The following CA5A variants were observed in gnomAD, a reference collection of about 807,000 sequenced individuals.
The protein encoded by CA5A is carbonic anhydrase 5A.
Under a neutral mutation model 37.1 loss-of-function variants are expected in CA5A, and 28 were observed. That is an observed-to-expected ratio of 0.75 (90% CI 0.56 to 1.03). The LOEUF (loss-of-function observed/expected upper bound fraction) is 1.03, where lower values mean the gene tolerates loss of function less well. Ranked by LOEUF, CA5A falls within the 50% of genes least tolerant of loss-of-function variation. The pLI, the probability that CA5A is intolerant of heterozygous loss-of-function variation, is 0.00. For missense variants in CA5A, 444 were observed against 399.9 expected, an observed-to-expected ratio of 1.11 and a Z score of -0.94; for synonymous variants, 171 against 158.4, an observed-to-expected ratio of 1.08 and a Z score of -0.60.
At chr16:87,902,279 A>G in intron 4 of CA5A, 146 bp downstream of exon 4, 1 of 635,352 alleles carries the variant, frequency 1.6e-6, no homozygotes, top group Non-Finnish European at 2.9e-6. Context: ...ACTTGAACCC[A>G]GGAGGTGCAG....
At position 87,902,571 on chromosome 16, in the gene CA5A, G is replaced by T. The variant is rs374596897; in HGVS notation, c.460-51C>A. 5.0e-5 allele frequency: 49 copies of T among 975,576 alleles called. 1 individual carries two copies. The highest frequency in any genetic ancestry group is 7.6e-5 in the Non-Finnish European group (46 of 601,730). 60.4% of individuals were successfully genotyped at this position (975,576 alleles called of 1,614,324 possible). ...AAATTGATCAGCAAGAAATAAGACA[G>T]TCACTTCCCCTTCTGAATGGCTGAC... On this transcript the variant is annotated intron_variant, in intron 3 of 6. Transcript: ENST00000649794.
downstream of CA5A, chr16:87,884,688 C>T (rs144650669): frequency 2.6e-5 from 4 of 150,952 alleles, no homozygotes; most frequent in African/African-American, 9.8e-5. Flanking sequence ...GAGCTGAGAT[C>T]GTGACATTGC....
intron 5 of CA5A, among the ~76,000 whole-genome samples, chr16:87,892,537 T>G (rs1567515013): frequency 8.4e-6 from 1 of 118,998 alleles, no homozygotes; most frequent in African/African-American, 3.8e-5. Flanking sequence ...ATAATAATAA[T>G]AATAATAATA....
chr16:87,885,371 G>T (rs1219943672), downstream of CA5A: 4 of 152,826 alleles, frequency 2.6e-5, no homozygotes, highest in African/African-American at 9.7e-5. Context: ...TCTGGTGAAA[G>T]AGGATATGCA....
chr16:87,929,178 G>A (rs539102946), intron 1 of CA5A, among the ~76,000 whole-genome samples: 14 of 151,242 alleles, frequency 9.3e-5, no homozygotes, highest in Middle Eastern at 3.4e-3. Context: ...CTGGCTGGGC[G>A]CGGTGGCTCA....
intron 1 of CA5A, 120 bp downstream of exon 1, chr16:87,936,189 A>C (rs868095756): frequency 2.1e-5 from 14 of 669,806 alleles, no homozygotes; most frequent in South Asian, 2.0e-4. Flanking sequence ...AAAAAAAAAA[A>C]ACGGAGTGGA....
intron 1 of CA5A, among the ~76,000 whole-genome samples, chr16:87,934,450 T>C (rs915598680): frequency 4.6e-5 from 7 of 152,078 alleles, no homozygotes; most frequent in Admixed American, 4.6e-4. Context: ...TGCCTGTAAT[T>C]CCAGCTACTC....
chr16:87,889,244 A>G (rs1211638706), intron 6 of CA5A, among the ~76,000 whole-genome samples: 2 of 151,700 alleles, frequency 1.3e-5, no homozygotes, highest in African/African-American at 4.8e-5. Flanking sequence ...TAGTAGAGAC[A>G]GGGTTTCACC....
intron 2 of CA5A, among the ~76,000 whole-genome samples, chr16:87,926,514 T>C (rs537602143): frequency 1.0e-3 from 155 of 152,340 alleles, no homozygotes; most frequent in African/African-American, 3.5e-3. Context: ...CCTGTGTGCA[T>C]GCAGGTGCCG....
At chr16:87,925,259 C>T (rs1467870202) in intron 2 of CA5A, among the ~76,000 whole-genome samples, 1 of 152,128 alleles carries the variant, frequency 6.6e-6, no homozygotes, top group Non-Finnish European at 1.5e-5. Context: ...ACCCTCAGAG[C>T]TAAGCTACAT....
At position 87,911,197 on chromosome 16, in the gene CA5A, T is replaced by C. The variant is rs2056046308; in HGVS notation, c.341-6293A>G. Among the ~76,000 whole-genome samples the C allele has an allele frequency of 6.6e-6, 1 of 151,524 alleles. No individual in the cohort carries two copies. The highest frequency in any genetic ancestry group is 1.5e-5 in the Non-Finnish European group (1 of 67,962). ...CGGACTCTGCTATCAGCAGGGCTGGTCCACCGGGCAGCACTGGCCACTGTT... is the reference window on the plus strand; with the variant it reads ...CGGACTCTGCTATCAGCAGGGCTGGCCCACCGGGCAGCACTGGCCACTGTT... On this transcript the variant is annotated intron_variant, in intron 2 of 6. Transcript: ENST00000649794. This position sits in a 1 kb window ranked among gnomAD's most constrained non-coding sequence, Gnocchi z 4.6.
At chr16:87,903,530 A>C (rs973172248) in intron 3 of CA5A, among the ~76,000 whole-genome samples, 17 of 150,624 alleles carry the variant, frequency 1.1e-4, no homozygotes, top group Admixed American at 4.0e-4. Flanking sequence ...TGTTAAATGA[A>C]AGGAAGCACA....
intron 5 of CA5A, among the ~76,000 whole-genome samples, chr16:87,897,110 G>C (rs1321512029): frequency 5.9e-5 from 9 of 152,360 alleles, no homozygotes; most frequent in African/African-American, 2.2e-4. Context: ...CGTGGGCGTG[G>C]GGCTCAGTAG....
In CA5A at chr16:87,936,328, C is replaced by T; in HGVS notation, c.123G>A (p.Trp41Ter). Reference sequence around the variant, plus strand: ...ACTTACAAGTGTTATTGCTGGTTTGCCATGCACAGGAACGCTGAGAACACC... The same window carrying T: ...ACTTACAAGTGTTATTGCTGGTTTGTCATGCACAGGAACGCTGAGAACACC... ...GRWCSQRSCA[W>*]QTSNNTLHPL... is the part of the protein sequence containing the mutation. Residue 41 changes from tryptophan to a stop codon, truncating the protein, a stop_gained, in exon 1 of 7, where the codon TGG (tryptophan) becomes TGA (stop). Transcript: ENST00000649794. LOFTEE classifies it high-confidence loss of function. 1 of 1,613,476 alleles carries T rather than the reference C, an allele frequency of 6.2e-7. No individual in the cohort carries two copies. The highest frequency in any genetic ancestry group is 1.1e-5 in the South Asian group (1 of 91,042).
At chr16:87,905,818 C>T (rs1322186655) in intron 2 of CA5A, among the ~76,000 whole-genome samples, 1 of 152,248 alleles carries the variant, frequency 6.6e-6, no homozygotes, top group Non-Finnish European at 1.5e-5. Flanking sequence ...GCACTCTCTA[C>T]CTGCAGGCCT....
intron 1 of CA5A, 24 bp from the exon 2 acceptor site, chr16:87,926,969 C>T (rs375368627): frequency 8.5e-5 from 124 of 1,465,026 alleles, no homozygotes; most frequent in Admixed American, 1.8e-4. Context: ...GACGGAGACC[C>T]TGAGTGAGGC....
intron 1 of CA5A, among the ~76,000 whole-genome samples, chr16:87,934,339 C>T (rs550953309): frequency 2.0e-5 from 3 of 152,310 alleles, no homozygotes; most frequent in Admixed American, 6.5e-5. Flanking sequence ...GAGGCTGAGG[C>T]GGGCAGATCA....
intron 5 of CA5A, among the ~76,000 whole-genome samples, chr16:87,898,941 G>C (rs2143934778): frequency 6.6e-6 from 1 of 152,140 alleles, no homozygotes; most frequent in South Asian, 2.1e-4. Flanking sequence ...TGCCATGTTG[G>C]CCAGGCTGGT....
chr16:87,901,186 C>T (rs1458303814), intron 5 of CA5A, among the ~76,000 whole-genome samples: 4 of 152,070 alleles, frequency 2.6e-5, no homozygotes, highest in East Asian at 1.9e-4. Flanking sequence ...GCCAAGATCG[C>T]GCCACTGCAT....
Sources: allele counts gnomAD v4.1 joint callset (sites outside exome capture counted in the v4.1 genomes callset), GRCh38; gene constraint gnomAD v4.1.1; non-coding constraint Gnocchi (gnomAD v3.1); transcripts MANE v1.5; gene names NCBI Gene and HGNC (gene_info 2026-07-23, HGNC 2026-07-21).